AGBL4: variants seen among roughly 807,000 people sequenced by gnomAD.
AGBL4 encodes AGBL carboxypeptidase 4, also known as cytosolic carboxypeptidase 6.
In AGBL4, 58 loss-of-function variants were observed where a neutral mutation model predicts 66.4. That is an observed-to-expected ratio of 0.87 (90% CI 0.71 to 1.09). AGBL4 has a LOEUF of 1.09. AGBL4 is among the 50% of genes least tolerant of loss of function. AGBL4 has a pLI of 0.00. For synonymous variants in AGBL4, 234 were observed against 222.9 expected (o/e 1.05, Z -0.44); for missense variants, 579 against 631.0 (o/e 0.92, Z 0.88).
At chr1:48,806,258 AT>A (rs1160032449) in intron 6 of AGBL4, among the ~76,000 whole-genome samples, 1 of 152,152 alleles carries the variant, frequency 6.6e-6, no homozygotes, top group Non-Finnish European at 1.5e-5. Context: ...TACTAAGTCA[AT>A]TCTCATGTGA....
chr1:49,592,494 C>T (rs993472394), intron 3 of AGBL4, among the ~76,000 whole-genome samples: 5 of 152,020 alleles, frequency 3.3e-5, no homozygotes, highest in South Asian at 4.1e-4. Context: ...CGCTTGAACC[C>T]GGAAGTGGAG....
intron 3 of AGBL4, among the ~76,000 whole-genome samples, chr1:49,410,165 A>C (rs1025410723): frequency 6.6e-6 from 1 of 152,108 alleles, no homozygotes; most frequent in Non-Finnish European, 1.5e-5. Flanking sequence ...GCACAGATGC[A>C]CCTGTGTCCC....
chr1:49,007,516 A>G (rs1198198124), intron 5 of AGBL4, among the ~76,000 whole-genome samples: 6 of 148,874 alleles, frequency 4.0e-5, no homozygotes, highest in Non-Finnish European at 9.0e-5. Flanking sequence ...AGATTCAGGA[A>G]ATACAGAGAA....
the AGBL4 span, among the ~76,000 whole-genome samples, chr1:48,524,146 C>T: frequency 1.3e-5 from 2 of 152,098 alleles, no homozygotes; most frequent in Non-Finnish European, 2.9e-5. Flanking sequence ...AGCAGGCCCT[C>T]AGTGAGTGCT....
chr1:49,241,421 A>C (rs1283765241), intron 4 of AGBL4, among the ~76,000 whole-genome samples: 3 of 152,066 alleles, frequency 2.0e-5, no homozygotes, highest in East Asian at 3.8e-4. Flanking sequence ...ATTCTGTTTC[A>C]GCTCTTAGTA....
intron 5 of AGBL4, among the ~76,000 whole-genome samples, chr1:48,878,954 C>T (rs1453958292): frequency 3.3e-5 from 5 of 152,072 alleles, no homozygotes; most frequent in Non-Finnish European, 5.9e-5. Context: ...AGCTCCATTC[C>T]ACGCTGATTG....
At chr1:49,511,612 A>AC (rs2148784157) in intron 3 of AGBL4, among the ~76,000 whole-genome samples, 1 of 151,986 alleles carries the variant, frequency 6.6e-6, no homozygotes, top group Non-Finnish European at 1.5e-5. Context: ...TAATTAAAAA[A>AC]AATTTTTTTT....
intron 5 of AGBL4, among the ~76,000 whole-genome samples, chr1:49,008,537 T>C (rs1368828211): frequency 6.7e-6 from 1 of 148,418 alleles, no homozygotes; most frequent in Non-Finnish European, 1.5e-5. Context: ...CTAATAGACA[T>C]CTACAGAACT....
chr1:49,465,222 C>T (rs1031884387), intron 3 of AGBL4, among the ~76,000 whole-genome samples: 2 of 143,740 alleles, frequency 1.4e-5, no homozygotes, highest in Admixed American at 6.9e-5. Context: ...CACACACACA[C>T]ACACACACAC....
chr1:49,251,554 C>T (rs544236000), intron 3 of AGBL4, among the ~76,000 whole-genome samples: 1 of 152,302 alleles, frequency 6.6e-6, no homozygotes, highest in East Asian at 1.9e-4. Flanking sequence ...AACCGCATCC[C>T]TGAGCCAACA....
chr1:49,741,077 T>C (rs557943829), intron 2 of AGBL4, among the ~76,000 whole-genome samples: 4 of 151,814 alleles, frequency 2.6e-5, no homozygotes, highest in African/African-American at 7.3e-5. Context: ...GATAGAGACA[T>C]AAAAAAACCC....
At chr1:49,141,784 G>A (rs1646122159) in intron 4 of AGBL4, among the ~76,000 whole-genome samples, 1 of 152,136 alleles carries the variant, frequency 6.6e-6, no homozygotes, top group Non-Finnish European at 1.5e-5. Context: ...ATAAGGAGTA[G>A]TATCTGCATC....
At chr1:49,095,256 T>G (rs954999963) in intron 4 of AGBL4, among the ~76,000 whole-genome samples, 3 of 152,236 alleles carry the variant, frequency 2.0e-5, no homozygotes, top group Non-Finnish European at 2.9e-5. Context: ...ATGACCATAC[T>G]GCTCAAGGTA....
chr1:49,645,580 C>T (rs1227880541), intron 3 of AGBL4, among the ~76,000 whole-genome samples: 4 of 150,938 alleles, frequency 2.7e-5, no homozygotes, highest in Non-Finnish European at 5.9e-5. Flanking sequence ...AACTCCAGGC[C>T]CACATGCCTT....
At chr1:49,735,954 A>G (rs1649855384) in intron 2 of AGBL4, among the ~76,000 whole-genome samples, 1 of 152,164 alleles carries the variant, frequency 6.6e-6, no homozygotes. Flanking sequence ...AAGCCACAGC[A>G]AATTTAAAGA....
chr1:48,694,417 T>G (rs1570274827), intron 6 of AGBL4, among the ~76,000 whole-genome samples: 2 of 152,332 alleles, frequency 1.3e-5, no homozygotes, highest in Admixed American at 6.5e-5. Context: ...TTAACTTCTT[T>G]AAAGTATTGC....
At chr1:49,758,145 C>G (rs1448994818) in intron 2 of AGBL4, among the ~76,000 whole-genome samples, 1 of 152,182 alleles carries the variant, frequency 6.6e-6, no homozygotes, top group Non-Finnish European at 1.5e-5. Flanking sequence ...AGCCCCAAGC[C>G]TTGGCAACTT....
intron 5 of AGBL4, among the ~76,000 whole-genome samples, chr1:48,977,308 A>C (rs1205799400): frequency 6.6e-6 from 1 of 152,136 alleles, no homozygotes; most frequent in Non-Finnish European, 1.5e-5. Context: ...TATTTGTTTT[A>C]ATATATGCCT....
chr1:48,901,645 T>C (rs1652091571), intron 5 of AGBL4, among the ~76,000 whole-genome samples: 1 of 152,236 alleles, frequency 6.6e-6, no homozygotes, highest in Non-Finnish European at 1.5e-5. Flanking sequence ...ATTCCATTTT[T>C]ATAAAATTTT....
Sources: allele counts gnomAD v4.1 joint callset (sites outside exome capture counted in the v4.1 genomes callset), GRCh38; gene constraint gnomAD v4.1.1; transcripts MANE v1.5; gene names NCBI Gene and HGNC (gene_info 2026-07-23, HGNC 2026-07-21).